The following TRPM8 variants were observed in gnomAD, a reference collection of about 807,000 sequenced individuals.
TRPM8 encodes transient receptor potential cation channel subfamily M member 8, also known as TRPM8 cationic channel.
In TRPM8, 110 loss-of-function variants were observed where a neutral mutation model predicts 133.7. That is an observed-to-expected ratio of 0.82 (90% confidence interval 0.70 to 0.96). The LOEUF (loss-of-function observed/expected upper bound fraction) is 0.96. Ranked by LOEUF, TRPM8 falls within the 40% of genes least tolerant of loss-of-function variation. The probability of loss-of-function intolerance (pLI) is 0.00; values close to 1 mark genes in which losing one functional copy is unlikely to be tolerated. For synonymous variants in TRPM8, 535 were observed against 532.3 expected, an observed-to-expected ratio of 1.01 and a Z score of -0.07; for missense variants, 1,291 against 1,379.5, an observed-to-expected ratio of 0.94 and a Z score of 1.02.
chr2:233,940,618 A>G (rs754029077), intron 5 of TRPM8, among the ~76,000 whole-genome samples: 4 of 152,222 alleles, frequency 2.6e-5, no homozygotes, highest in African/African-American at 4.8e-5. Flanking sequence ...CATTGTTGCT[A>G]GTTGTCCACT....
rs1181803067 is a variant in TRPM8 at position 233,952,898 on chromosome 2, A to G, written c.1141-1019A>G. On this transcript the variant is annotated intron_variant, in intron 9 of 25. Coordinates refer to ENST00000324695, the MANE Select transcript of TRPM8 (RefSeq NM_024080.5). The stretch of plus-strand genomic sequence containing the variant: ...TACTGCCCACCTTCACTTGTGCCGT[A>G]GAATTTTGGGACCTTCACCCCTCCT... Among the ~76,000 whole-genome samples the G allele has an allele frequency of 2.0e-5, 3 of 152,112 alleles. No homozygotes were observed. In the East Asian group the frequency reaches 5.8e-4, roughly 29 times the overall value.
chr2:233,972,217 CA>C (rs1017806005), intron 17 of TRPM8, among the ~76,000 whole-genome samples: 1 of 152,090 alleles, frequency 6.6e-6, no homozygotes, highest in African/African-American at 2.4e-5. Context: ...TCCAAGGCCC[CA>C]CCAGAGCAGC....
rs151205278 is a variant in TRPM8, at chr2:233,939,162, C to G, written c.513C>G (p.Ile171Met). 6.2e-7 allele frequency: 1 copy of G among 1,614,056 alleles called. No homozygotes were observed. The highest frequency in any genetic ancestry group is 1.1e-5 in the South Asian group (1 of 91,082). Residue 171 changes from isoleucine (I) to methionine (M), a missense_variant, in exon 5 of 26, where the codon ATC becomes ATG. Transcript: ENST00000324695. The stretch of plus-strand genomic sequence containing the variant: ...AGATCTTCAGCCGGCTCATCTACAT[C>G]GCGCAGTCCAAAGGTGAGGGTGGGA... ...MRKIFSRLIY[I>M]AQSKGAWILT...
At chr2:233,947,793 C>G (rs1056173933) in intron 8 of TRPM8, among the ~76,000 whole-genome samples, 1 of 152,066 alleles carries the variant, frequency 6.6e-6, no homozygotes, top group Non-Finnish European at 1.5e-5. Flanking sequence ...TGAATCAAAA[C>G]CTTTTATTTA....
At chr2:233,938,139 C>T (rs1690806837) in intron 4 of TRPM8, among the ~76,000 whole-genome samples, 1 of 152,202 alleles carries the variant, frequency 6.6e-6, no homozygotes, top group Non-Finnish European at 1.5e-5. Flanking sequence ...TGGGCCGGCA[C>T]ACTCTCTTGC....
At chr2:233,990,284 A>G (rs1277011439) in intron 21 of TRPM8, among the ~76,000 whole-genome samples, 3 of 152,246 alleles carry the variant, frequency 2.0e-5, no homozygotes. Flanking sequence ...ACTTTGGGAC[A>G]GAAAATAATT....
At chr2:233,981,309 T>C (rs992587549) in intron 18 of TRPM8, among the ~76,000 whole-genome samples, 3 of 152,162 alleles carry the variant, frequency 2.0e-5, no homozygotes, top group African/African-American at 7.2e-5. Flanking sequence ...AAAGCACAGA[T>C]GGCTTTCAAT....
chr2:233,960,853 T>C lies in TRPM8; in HGVS notation c.1440T>C (p.Asn480=), dbSNP rs1298765608. 6.2e-7 allele frequency: 1 copy of C among 1,614,080 alleles called. No homozygotes were observed. Among genetic ancestry groups the C allele is most frequent in the East Asian group, 2.2e-5 (1 of 44,894 alleles). ...RPKFVRLFLE[N]GLNLRKFLTH... ...AGTTTGTCCGCCTCTTTCTGGAGAA[T>C]GGCTTGAACCTACGGAAGTTTCTCA... Residue 480 remains asparagine, a synonymous_variant, in exon 12 of 26, where the codon AAT becomes AAC. Coordinates refer to ENST00000324695, the MANE Select transcript of TRPM8 (RefSeq NM_024080.5).
chr2:233,996,846 G>T (rs537848858), intron 22 of TRPM8, among the ~76,000 whole-genome samples: 1 of 152,188 alleles, frequency 6.6e-6, no homozygotes, highest in Non-Finnish European at 1.5e-5. Flanking sequence ...GCTTTTCATT[G>T]TTCCCGTGAA....
intron 3 of TRPM8, among the ~76,000 whole-genome samples, chr2:233,935,161 G>T (rs1691764927): frequency 6.6e-6 from 1 of 152,214 alleles, no homozygotes; most frequent in African/African-American, 2.4e-5. Flanking sequence ...AAGGACATTT[G>T]CTAAATGCCC....
intron 2 of TRPM8, among the ~76,000 whole-genome samples, chr2:233,927,924 T>TTC (rs1178731456): frequency 0.011 from 312 of 28,062 alleles, 27 homozygotes; most frequent in East Asian, 0.033. Context: ...CTCTCTCTCT[T>TTC]TCTCTCTCTC....
At chr2:233,918,267 T>C (rs1353536993) in intron 1 of TRPM8, among the ~76,000 whole-genome samples, 1 of 150,944 alleles carries the variant, frequency 6.6e-6, no homozygotes, top group African/African-American at 2.4e-5. Context: ...ATTTATAATT[T>C]GGAAAAAAGC....
intron 11 of TRPM8, among the ~76,000 whole-genome samples, chr2:233,956,316 C>A (rs1393532101): frequency 2.0e-5 from 3 of 152,110 alleles, no homozygotes; most frequent in African/African-American, 7.2e-5. Flanking sequence ...GTTGCACATG[C>A]AATAAAAAGT....
intron 1 of TRPM8, among the ~76,000 whole-genome samples, chr2:233,921,588 T>C (rs760306937): frequency 2.6e-5 from 4 of 152,176 alleles, no homozygotes; most frequent in Admixed American, 6.5e-5. Context: ...GAATCATTTA[T>C]ACAGGCAAAG....
chr2:234,000,348 A>G (rs537244111), intron 22 of TRPM8, among the ~76,000 whole-genome samples: 1 of 152,210 alleles, frequency 6.6e-6, no homozygotes, highest in Non-Finnish European at 1.5e-5. Context: ...TGACTTTGTG[A>G]TCTGCCTGCC....
intron 20 of TRPM8, among the ~76,000 whole-genome samples, chr2:233,983,932 G>T (rs149011208): frequency 6.6e-6 from 1 of 152,132 alleles, no homozygotes; most frequent in Non-Finnish European, 1.5e-5. Flanking sequence ...AGTCTCTCTG[G>T]CCCCATCTGC....
At chr2:233,948,785 C>A (rs566850281) in intron 8 of TRPM8, among the ~76,000 whole-genome samples, 26 of 152,198 alleles carry the variant, frequency 1.7e-4, no homozygotes, top group Non-Finnish European at 3.2e-4. Context: ...GCAATCCCTG[C>A]ACTTTGGGAG....
intron 18 of TRPM8, among the ~76,000 whole-genome samples, chr2:233,981,077 T>C (rs1691995543): frequency 6.6e-6 from 1 of 152,218 alleles, no homozygotes; most frequent in Non-Finnish European, 1.5e-5. Flanking sequence ...AGCAATTATA[T>C]ATGAGTAGTA....
intron 3 of TRPM8, among the ~76,000 whole-genome samples, chr2:233,932,224 C>T (rs1435390454): frequency 6.6e-6 from 1 of 152,244 alleles, no homozygotes; most frequent in Non-Finnish European, 1.5e-5. Context: ...GAGACTCTGT[C>T]TCTTTCCACC....
Sources: allele counts gnomAD v4.1 joint callset (sites outside exome capture counted in the v4.1 genomes callset), GRCh38; gene constraint gnomAD v4.1.1; transcripts MANE v1.5; gene names NCBI Gene and HGNC (gene_info 2026-07-23, HGNC 2026-07-21).